The following FSD1 variants were observed in gnomAD, a reference collection of about 807,000 sequenced individuals.
FSD1 encodes fibronectin type III and SPRY domain containing 1, also known as fibronectin type III and SPRY domain-containing protein 1.
Under a neutral mutation model 58.2 loss-of-function variants are expected in FSD1, and 23 were observed. That is an observed-to-expected ratio of 0.40 (90% confidence interval 0.28 to 0.56). The LOEUF (loss-of-function observed/expected upper bound fraction) is 0.56. Ranked by LOEUF, FSD1 falls within the 20% of genes least tolerant of loss-of-function variation. The pLI is 0.54. For synonymous variants in FSD1, 265 were observed against 263.4 expected (o/e 1.01, Z -0.06); for missense variants, 563 against 670.8 (o/e 0.84, Z 1.78).
chr19:4,311,733 C>T, intron 6 of FSD1, 109 bp from the exon 7 acceptor site: 2 of 909,706 alleles, frequency 2.2e-6, no homozygotes, highest in Non-Finnish European at 3.5e-6. Flanking sequence ...CCCTTTGTGG[C>T]CATGCCCCCA....
rs1179837826 is a variant in FSD1 at position 4,307,999 on chromosome 19, G to A, written c.345+16G>A. 2.5e-6 allele frequency: 4 copies of A among 1,591,878 alleles called. No individual in the cohort carries two copies. The African/African-American group carries it at 4.0e-5, about 16-fold the overall frequency. On this transcript the variant is annotated intron_variant, in intron 4 of 12. Transcript: ENST00000221856. Reference sequence around the variant, plus strand: ...CTTTCCTCAGGTGGGTGCCTCTGATGCTGCCAGGTAAAGAACAGTGTGCCC... The same window carrying A: ...CTTTCCTCAGGTGGGTGCCTCTGATACTGCCAGGTAAAGAACAGTGTGCCC...
At chr19:4,322,368 A>C (rs531128432) in intron 10 of FSD1, among the ~76,000 whole-genome samples, 2 of 150,798 alleles carry the variant, frequency 1.3e-5, no homozygotes, top group Admixed American at 1.3e-4. Flanking sequence ...GATCCCGAGG[A>C]GTATCTGGGA....
chr19:4,305,148 C>T (rs977640200), intron 1 of FSD1, among the ~76,000 whole-genome samples: 46 of 141,926 alleles, frequency 3.2e-4, no homozygotes, highest in African/African-American at 1.2e-3. Flanking sequence ...GAAAAAGGAG[C>T]AGGTTGGAGC....
intron 7 of FSD1, among the ~76,000 whole-genome samples, chr19:4,312,736 C>T (rs919208330): frequency 8.6e-5 from 13 of 150,848 alleles, no homozygotes; most frequent in East Asian, 3.9e-4. Flanking sequence ...ACTCGGGAGG[C>T]GGAGCTTGCA....
Position 4,306,035 on chromosome 19 carries a change from CGTGGAG to C in FSD1, c.109_111+3del. The stretch of plus-strand genomic sequence containing the variant: ...ACTCCCTGAAACAGATGCTGCTGAA[CGTGGAG>C]GTGAAGGCGGTGGGGCAGTCCTGGG... On this transcript the variant is annotated inframe_deletion and splice_region_variant, in exon 2 of 13. Transcript: ENST00000221856. The C allele has an allele frequency of 6.2e-7, 1 of 1,613,528 alleles. No homozygotes were observed. Among genetic ancestry groups the C allele is most frequent in the Non-Finnish European group, 8.5e-7 (1 of 1,179,570 alleles).
rs117761965 is a variant in FSD1 at position 4,318,188 on chromosome 19, C to T, written c.800-158C>T. ...CTATATCTGTCTCTCTCCGAGGCTT[C>T]GTCAGTCTCTTATCTCTGTCTTGGA... On this transcript the variant is annotated intron_variant, in intron 8 of 12. Transcript: ENST00000221856. Among the ~76,000 whole-genome samples, 1,462 of 151,492 alleles carry T rather than the reference C, an allele frequency of 9.7e-3. 13 individuals are homozygous for T. Among genetic ancestry groups the T allele is most frequent in the Admixed American group, 0.019 (285 of 15,126 alleles).
Position 4,311,990 on chromosome 19 carries a change from CAAG to C in FSD1, c.640_642del (p.Lys214del), listed in dbSNP as rs760769363. On this transcript the variant is annotated inframe_deletion, in exon 7 of 13. Coordinates refer to ENST00000221856, the MANE Select transcript of FSD1 (RefSeq NM_024333.3). ...CCAACTTCGAGGGCCCGCCCCGCCT[CAAG>C]GAGGACCAGCCCTGGATGGTCATCG... is the stretch of plus-strand genomic sequence containing the variant. The C allele has an allele frequency of 4.3e-6, 7 of 1,613,334 alleles. No homozygotes were observed. In the African/African-American group the frequency reaches 8.0e-5, roughly 18 times the overall value.
At chr19:4,306,695 C>T (rs1006919972) in intron 3 of FSD1, among the ~76,000 whole-genome samples, 1 of 151,952 alleles carries the variant, frequency 6.6e-6, no homozygotes, top group East Asian at 1.9e-4. Flanking sequence ...CTCAGGTGAT[C>T]CTCCTGCCTC....
intron 5 of FSD1, 72 bp from the exon 6 acceptor site, chr19:4,310,403 G>A (rs1157763093): frequency 6.2e-7 from 1 of 1,605,226 alleles, no homozygotes; most frequent in Non-Finnish European, 8.5e-7. Flanking sequence ...GGAGCCCTGG[G>A]GAGGGGCCCC....
intron 6 of FSD1, chr19:4,311,054 G>GT (rs1971685110): frequency 6.2e-6 from 1 of 162,216 alleles, no homozygotes; most frequent in Non-Finnish European, 1.4e-5. Flanking sequence ...CCCACCAGGG[G>GT]GTGAGGTCCT....
rs866381223 is a variant in FSD1, at chr19:4,306,828, C to T, written c.243+499C>T. ...GGCTCAGATCTTCCCCTCCTGTCTT[C>T]ACTCAGTGCCTCCGGTTTCTCAGCC... On this transcript the variant is annotated intron_variant, in intron 3 of 12. Coordinates refer to ENST00000221856, the MANE Select transcript of FSD1 (RefSeq NM_024333.3). 3.3e-5 allele frequency among the ~76,000 whole-genome samples: 5 copies of T among 152,204 alleles called. 1 individual carries two copies. The Middle Eastern group carries it at 0.014, about 414-fold the overall frequency.
rs578014723 is a variant in FSD1 at position 4,321,485 on chromosome 19, G to A, written c.1040-1501G>A. On this transcript the variant is annotated intron_variant, in intron 10 of 12. Coordinates refer to ENST00000221856, the MANE Select transcript of FSD1 (RefSeq NM_024333.3). ...GGAGGGGAATAGCTGGGACTGAGGAGTATCTGGGGAAATAGCTGGGACTGA... is the reference window on the plus strand; with the variant it reads ...GGAGGGGAATAGCTGGGACTGAGGAATATCTGGGGAAATAGCTGGGACTGA... Among the ~76,000 whole-genome samples the A allele has an allele frequency of 5.8e-5, 8 of 138,676 alleles. No homozygotes were observed. In the South Asian group the frequency reaches 2.0e-3, roughly 35 times the overall value. 91.0% of individuals were successfully genotyped at this position (138,676 alleles called of 152,430 possible). A position where few individuals can be genotyped will look rare whatever the true frequency, so the allele number is the denominator to read the frequency against.
rs1971728371 is a variant in FSD1 at position 4,323,440 on chromosome 19, A to G, written c.1380+4A>G. The G allele has an allele frequency of 6.2e-7, 1 of 1,612,878 alleles. No homozygotes were observed. Among genetic ancestry groups the G allele is most frequent in the African/African-American group, 1.3e-5 (1 of 74,886 alleles). On this transcript the variant is annotated splice_donor_region_variant and intron_variant, in intron 12 of 12. Transcript: ENST00000221856. The surrounding 1 kb of genome is among the most constrained non-coding windows in gnomAD (Gnocchi z 7.7). ...GCCGCTGCTGCCTGCTTTCACGGTG[A>G]GCTGCCCTCCGCGGCCCAGGGGGAG...
intron 7 of FSD1, 23 bp from the exon 8 acceptor site, chr19:4,317,159 G>A: frequency 7.3e-7 from 1 of 1,372,564 alleles, no homozygotes; most frequent in Non-Finnish European, 1.0e-6. Context: ...ACACAGTGTT[G>A]AAATGCCTCT....
Position 4,312,008 on chromosome 19 carries a change from G to C in FSD1, c.657G>C (p.Trp219Cys), listed in dbSNP as rs769476755. Reference protein sequence around the residue: ...GPPRLKEDQPWMVIEGIRQTE... With the variant: ...GPPRLKEDQPCMVIEGIRQTE... ...CCCGCCTCAAGGAGGACCAGCCCTG[G>C]ATGGTCATCGAGGGCATCCGGCAGA... The change falls in exon 7 of 13, where the codon TGG becomes TGC. Residue 219 changes from tryptophan to cysteine, a missense_variant. Trp to Cys is a radical substitution (Grantham distance 215). Transcript: ENST00000221856. The C allele has an allele frequency of 1.1e-5, 17 of 1,612,680 alleles. No homozygotes were observed. The South Asian group carries it at 1.8e-4, about 17-fold the overall frequency.
chr19:4,319,108 A>G (rs543946126), intron 10 of FSD1, among the ~76,000 whole-genome samples, 157 bp downstream of exon 10: 1 of 152,360 alleles, frequency 6.6e-6, no homozygotes. Context: ...CCAAATGGAA[A>G]TATTTCGGGA....
chr19:4,310,364 G>A (rs367825820), intron 5 of FSD1, 69 bp downstream of exon 5: 8 of 1,610,634 alleles, frequency 5.0e-6, no homozygotes, highest in East Asian at 2.2e-5. Flanking sequence ...GCCACCTGGT[G>A]AGGGTGTCTC....
At chr19:4,316,557 A>T (rs553047555) in intron 7 of FSD1, among the ~76,000 whole-genome samples, 1 of 151,812 alleles carries the variant, frequency 6.6e-6, no homozygotes, top group South Asian at 2.1e-4. Context: ...TATTTGAGAC[A>T]GAATCTCAAA....
chr19:4,320,237 G>C (rs1971799310), intron 10 of FSD1, among the ~76,000 whole-genome samples: 1 of 152,050 alleles, frequency 6.6e-6, no homozygotes, highest in Non-Finnish European at 1.5e-5. Context: ...TCTGGATTCA[G>C]AGAGCAAGAG....
Sources: gnomAD v4.1 joint callset for allele counts (sites outside exome capture counted in the v4.1 genomes callset) on GRCh38, gnomAD v4.1.1 for gene constraint, Gnocchi (gnomAD v3.1) non-coding constraint, MANE v1.5 for transcripts, NCBI Gene and HGNC (gene_info 2026-07-23, HGNC 2026-07-21) for gene names.